Variants in TSHZ2 observed in about 807,000 individuals in gnomAD.
TSHZ2 encodes teashirt homolog 2.
TSHZ2 carries 21 observed loss-of-function variants against 74.4 expected under a neutral mutation model. The ratio of observed to expected loss-of-function variants is 0.28; its 90% CI spans 0.20 to 0.41. The LOEUF is 0.41. TSHZ2 is among the 10% of genes least tolerant of loss of function. TSHZ2 has a pLI of 1.00. For missense variants in TSHZ2, 1,244 were observed against 1,293.5 expected, an observed-to-expected ratio of 0.96 and a Z score of 0.59; for synonymous variants, 540 against 515.3, an observed-to-expected ratio of 1.05 and a Z score of -0.65.
At chr20:53,140,887 A>G (rs1165677601) in intron 1 of TSHZ2, among the ~76,000 whole-genome samples, 1 of 152,028 alleles carries the variant, frequency 6.6e-6, no homozygotes, top group Non-Finnish European at 1.5e-5. Context: ...GACAGCAGGT[A>G]CTCCAGGGTC....
rs937206832 is a variant in TSHZ2, at chr20:53,056,805, T to C, written c.40+83472T>C. Among the ~76,000 whole-genome samples the C allele has an allele frequency of 1.1e-4, 16 of 152,340 alleles. No individual in the cohort carries two copies. The South Asian group carries it at 3.1e-3, about 30-fold the overall frequency. On this transcript the variant is annotated intron_variant, in intron 1 of 2. Transcript: ENST00000371497. ...TCCTTTTGTCTGTTCCTCTCTCTCA[T>C]GTGCCTGAACTCTTCTGTGACTTAG...
intron 1 of TSHZ2, among the ~76,000 whole-genome samples, chr20:53,017,496 C>T (rs1018969794): frequency 4.6e-5 from 7 of 151,978 alleles, no homozygotes; most frequent in African/African-American, 1.7e-4. Context: ...AGATATAACT[C>T]GTGGCAAAAT....
chr20:53,108,785 A>AGT (rs1986450491), intron 1 of TSHZ2, among the ~76,000 whole-genome samples: 1 of 152,244 alleles, frequency 6.6e-6, no homozygotes, highest in Non-Finnish European at 1.5e-5. Context: ...CATCCTCAAG[A>AGT]GTAACAGAGC....
intron 2 of TSHZ2, among the ~76,000 whole-genome samples, chr20:53,468,630 G>A (rs976739260): frequency 1.5e-5 from 2 of 134,728 alleles, no homozygotes; most frequent in East Asian, 2.3e-4. Flanking sequence ...CCATAGACAT[G>A]CAAAGTTGAT....
At chr20:53,202,269 C>T (rs933856450) in intron 1 of TSHZ2, among the ~76,000 whole-genome samples, 1 of 152,156 alleles carries the variant, frequency 6.6e-6, no homozygotes, top group African/African-American at 2.4e-5. Context: ...TACACCTTTG[C>T]TTGGCCATTG....
rs1285149762 is a variant in TSHZ2 at position 53,340,173 on chromosome 20, C to CTTTTTTTTTT, written c.*8+83605_*8+83606insTTTTTTTTTT. On this transcript the variant is annotated intron_variant, in intron 2 of 2. Coordinates refer to ENST00000371497, the MANE Select transcript of TSHZ2 (RefSeq NM_173485.6). Reference sequence around the variant, plus strand: ...GCTAGGATAAAACAAGGTGACTTTTCTTTCTTTTTTCTTTTTTTTTTTTTT... The same window carrying CTTTTTTTTTT: ...GCTAGGATAAAACAAGGTGACTTTTCTTTTTTTTTTTTTCTTTTTTCTTTTTTTTTTTTTT... Among the ~76,000 whole-genome samples, 60 of 62,090 alleles carry CTTTTTTTTTT rather than the reference C, an allele frequency of 9.7e-4. 5 individuals carry two copies. The highest frequency in any genetic ancestry group is 4.5e-3 in the African/African-American group (57 of 12,582). The allele number at this position is 62,090 out of a possible 152,430, so 40.7% of individuals were successfully genotyped here.
rs1445247630 is a variant in TSHZ2, at chr20:53,495,053, A to T, written c.*7918A>T. 1 of 152,154 alleles carries T rather than the reference A, an allele frequency of 6.6e-6. No homozygotes were observed. Among genetic ancestry groups the T allele is most frequent in the East Asian group, 1.9e-4 (1 of 5,202 alleles). The allele number at this position is 152,154 out of a possible 1,614,324, so 9.4% of individuals were successfully genotyped here. ...ACCTAGCTGATACGGAATAGCAGAG[A>T]CATGCCTCTCAACACCATTAGCTTT... is the stretch of plus-strand genomic sequence containing the variant. On this transcript the variant is annotated 3_prime_UTR_variant, in exon 3 of 3. Transcript: ENST00000371497.
intron 1 of TSHZ2, among the ~76,000 whole-genome samples, chr20:53,237,878 T>G (rs943590591): frequency 1.3e-5 from 2 of 152,188 alleles, no homozygotes; most frequent in East Asian, 1.9e-4. Context: ...CTACGAGCAC[T>G]GCAACCGTAC....
At chr20:53,041,168 CAAG>C (rs913571279) in intron 1 of TSHZ2, among the ~76,000 whole-genome samples, 9 of 152,166 alleles carry the variant, frequency 5.9e-5, no homozygotes, top group African/African-American at 1.9e-4. Context: ...GGGTTTAAAT[CAAG>C]AAGATTAATT....
intron 2 of TSHZ2, among the ~76,000 whole-genome samples, chr20:53,304,773 A>G (rs1157987513): frequency 6.6e-6 from 1 of 152,114 alleles, no homozygotes; most frequent in Non-Finnish European, 1.5e-5. Context: ...CTGGGATTAC[A>G]GGCACGCACC....
chr20:53,258,903 T>C (rs1241233889), intron 2 of TSHZ2, among the ~76,000 whole-genome samples: 1 of 152,102 alleles, frequency 6.6e-6, no homozygotes, highest in Non-Finnish European at 1.5e-5. Flanking sequence ...GCCATGGGCG[T>C]GTATGTATGT....
chr20:53,169,999 T>C (rs1988158246), intron 1 of TSHZ2, among the ~76,000 whole-genome samples: 1 of 152,188 alleles, frequency 6.6e-6, no homozygotes, highest in Admixed American at 6.5e-5. Context: ...CATACCACCA[T>C]TGAAGACAAG....
chr20:53,453,551 G>A (rs576708003), intron 2 of TSHZ2, among the ~76,000 whole-genome samples: 2 of 152,132 alleles, frequency 1.3e-5, no homozygotes, highest in Non-Finnish European at 2.9e-5. Context: ...GATTGTGTGT[G>A]GAGTGGAAGC....
rs114249201 is a variant in TSHZ2 at position 53,307,445 on chromosome 20, A to C, written c.*8+50874A>C. Among the ~76,000 whole-genome samples, 227 of 152,160 alleles carry C rather than the reference A, an allele frequency of 1.5e-3. 2 individuals carry two copies. Among genetic ancestry groups the C allele is most frequent in the African/African-American group, 5.2e-3 (215 of 41,500 alleles). ...ATAGCAGCTGTTTCGACCCTTCACC[A>C]CAGAGGCCTGCATGCTCCCTCCAGC... is the stretch of plus-strand genomic sequence containing the variant. On this transcript the variant is annotated intron_variant, in intron 2 of 2. Transcript: ENST00000371497.
intron 1 of TSHZ2, among the ~76,000 whole-genome samples, chr20:53,232,725 C>A (rs1471449734): frequency 6.6e-6 from 1 of 152,068 alleles, no homozygotes; most frequent in East Asian, 1.9e-4. Context: ...GCGAGACCCC[C>A]CCTCTAGAAA....
chr20:53,058,925 CTG>C (rs1189042686), intron 1 of TSHZ2, among the ~76,000 whole-genome samples: 1 of 152,168 alleles, frequency 6.6e-6, no homozygotes, highest in East Asian at 1.9e-4. Context: ...GCATTTAAAT[CTG>C]TATACAAAAC....
At chr20:53,080,827 C>T (rs562080661) in intron 1 of TSHZ2, among the ~76,000 whole-genome samples, 19 of 152,068 alleles carry the variant, frequency 1.2e-4, no homozygotes, top group African/African-American at 4.3e-4. Flanking sequence ...TTTTGTTGAT[C>T]CAGAATAACA....
intron 1 of TSHZ2, among the ~76,000 whole-genome samples, chr20:52,985,297 G>A (rs1274594408): frequency 2.0e-5 from 3 of 151,954 alleles, no homozygotes; most frequent in Admixed American, 6.6e-5. Flanking sequence ...CCTAATAAAA[G>A]GACTCATTTC....
At position 53,487,584 on chromosome 20, in the gene TSHZ2, A is replaced by G. The variant is rs958340887; in HGVS notation, c.*449A>G. The stretch of plus-strand genomic sequence containing the variant: ...GGTTGCACTAGATGTAGACACTTGG[A>G]GGCTTACTTTTCATGGTAATGTCCA... On this transcript the variant is annotated 3_prime_UTR_variant, in exon 3 of 3. Coordinates refer to ENST00000371497, the MANE Select transcript of TSHZ2 (RefSeq NM_173485.6). 3.9e-5 allele frequency: 6 copies of G among 152,292 alleles called. No homozygotes were observed. Among genetic ancestry groups the G allele is most frequent in the African/African-American group, 1.4e-4 (6 of 41,560 alleles). The allele number at this position is 152,292 out of a possible 1,614,324, so 9.4% of individuals were successfully genotyped here.
Sources: gnomAD v4.1 joint callset for allele counts (sites outside exome capture counted in the v4.1 genomes callset) on GRCh38, gnomAD v4.1.1 for gene constraint, MANE v1.5 for transcripts, NCBI Gene and HGNC (gene_info 2026-07-23, HGNC 2026-07-21) for gene names.